KDM1A: variants seen among roughly 807,000 people sequenced by gnomAD.
KDM1A encodes the protein lysine demethylase 1A.
KDM1A carries 49 observed loss-of-function variants against 109.4 expected under a neutral mutation model. That is an observed-to-expected ratio of 0.45 (90% CI 0.36 to 0.57). The LOEUF (loss-of-function observed/expected upper bound fraction) is 0.57, where lower values mean the gene tolerates loss of function less well. Among genes scored for constraint, KDM1A ranks in the 20% least tolerant of loss-of-function variants. The probability of loss-of-function intolerance (pLI) is 0.00; values close to 1 mark genes in which losing one functional copy is unlikely to be tolerated. For missense variants in KDM1A, 668 were observed against 1,116.6 expected (o/e 0.60, Z 5.73); for synonymous variants, 380 against 415.4 (o/e 0.91, Z 1.04).
chr1:23,067,533 T>C, intron 10 of KDM1A, among the ~76,000 whole-genome samples: 1 of 152,242 alleles, frequency 6.6e-6, no homozygotes, highest in East Asian at 1.9e-4. Context: ...AGGTCGCTCC[T>C]CCTGAGTCTT....
chr1:23,083,372 G>T lies in KDM1A; in HGVS notation c.*8G>T. The T allele has an allele frequency of 1.1e-5, 18 of 1,607,722 alleles. No homozygotes were observed. The highest frequency in any genetic ancestry group is 1.4e-5 in the Non-Finnish European group (17 of 1,176,106). On this transcript the variant is annotated 3_prime_UTR_variant, in exon 21 of 21. Transcript: ENST00000400181. ...CAGTCCCCAAGCATGTGAGACAGAT[G>T]CATTCTAAGGGAAGAGGCCCATGTG...
intron 1 of KDM1A, among the ~76,000 whole-genome samples, chr1:23,022,309 C>A (rs1641656624): frequency 1.4e-5 from 2 of 140,614 alleles, no homozygotes; most frequent in East Asian, 4.2e-4. Context: ...TCCAGTTTCT[C>A]CAATGTTCTT....
intron 15 of KDM1A, among the ~76,000 whole-genome samples, chr1:23,076,285 G>A (rs1223143424): frequency 6.6e-6 from 1 of 151,588 alleles, no homozygotes; most frequent in Non-Finnish European, 1.5e-5. Context: ...AAAATTTTCA[G>A]TAAATTCAAA....
At chr1:23,053,449 G>A (rs901610935) in intron 4 of KDM1A, among the ~76,000 whole-genome samples, 1 of 152,076 alleles carries the variant, frequency 6.6e-6, no homozygotes, top group Admixed American at 6.6e-5. Context: ...ACAGTGGTAC[G>A]ATCATGGCTC....
intron 11 of KDM1A, among the ~76,000 whole-genome samples, 176 bp downstream of exon 11, chr1:23,068,857 C>G (rs1643226927): frequency 2.6e-5 from 4 of 152,198 alleles, no homozygotes; most frequent in African/African-American, 9.7e-5. Flanking sequence ...CTTAAGGCCC[C>G]TTTCACTTCT....
chr1:23,032,726 G>C (rs1287964585), intron 2 of KDM1A, among the ~76,000 whole-genome samples: 1 of 152,112 alleles, frequency 6.6e-6, no homozygotes, highest in Non-Finnish European at 1.5e-5. Context: ...ATGTAGTTTA[G>C]CAATAGATTG....
At chr1:23,027,698 A>G (rs1641851177) in intron 1 of KDM1A, among the ~76,000 whole-genome samples, 1 of 148,464 alleles carries the variant, frequency 6.7e-6, no homozygotes, top group South Asian at 2.1e-4. Context: ...CTGAGATTAC[A>G]GGCTTGAGCC....
chr1:23,081,582 G>A lies in KDM1A; in HGVS notation c.2298+9G>A, dbSNP rs1320958727. ...GCAGTGCAGTACCTCAGGTAAGTAG[G>A]TAGGTGGGGCAAGGAGGGATCTAGG... On this transcript the variant is annotated intron_variant, in intron 19 of 20. Transcript: ENST00000400181. The A allele has an allele frequency of 6.2e-7, 1 of 1,614,056 alleles. No homozygotes were observed. The highest frequency in any genetic ancestry group is 8.5e-7 in the Non-Finnish European group (1 of 1,179,938).
chr1:23,074,660 TCTC>T (rs1643411803), intron 15 of KDM1A, among the ~76,000 whole-genome samples: 1 of 152,332 alleles, frequency 6.6e-6, no homozygotes, highest in African/African-American at 2.4e-5. Context: ...TATCCTGTGT[TCTC>T]CTGCAGAAAT....
intron 16 of KDM1A, among the ~76,000 whole-genome samples, chr1:23,077,602 T>C (rs572366686): frequency 6.6e-6 from 1 of 152,326 alleles, no homozygotes; most frequent in Non-Finnish European, 1.5e-5. Flanking sequence ...AGTTGGATAT[T>C]ACTGGTCGAG....
At chr1:23,047,576 A>G (rs551168721) in intron 3 of KDM1A, among the ~76,000 whole-genome samples, 1 of 152,130 alleles carries the variant, frequency 6.6e-6, no homozygotes, top group African/African-American at 2.4e-5. Flanking sequence ...AAATTCCCCA[A>G]ATTAGCCAAC....
chr1:23,081,962 AAG>A (rs1643631445), intron 19 of KDM1A: 1 of 451,120 alleles, frequency 2.2e-6, no homozygotes, highest in African/African-American at 2.0e-5. Flanking sequence ...GAATTTATAA[AAG>A]AGAATAAAGG....
intron 9 of KDM1A, among the ~76,000 whole-genome samples, chr1:23,060,433 C>T (rs1487094724): frequency 6.6e-6 from 1 of 152,090 alleles, no homozygotes; most frequent in African/African-American, 2.4e-5. Flanking sequence ...TATTTTAAAG[C>T]AGATCACAAA....
intron 2 of KDM1A, 118 bp downstream of exon 2, chr1:23,030,752 A>G (rs1641956680): frequency 9.4e-6 from 10 of 1,068,638 alleles, no homozygotes; most frequent in Admixed American, 8.2e-5. Flanking sequence ...AAAGTCTGAT[A>G]TTGAGTCTCC....
chr1:23,020,568 C>G (rs1396385042), intron 1 of KDM1A: 2 of 151,812 alleles, frequency 1.3e-5, no homozygotes, highest in East Asian at 1.9e-4. Context: ...ATTGAGAGAG[C>G]AAATAATAGT....
intron 1 of KDM1A, among the ~76,000 whole-genome samples, chr1:23,022,405 G>C (rs1035262194): frequency 1.3e-5 from 2 of 151,406 alleles, no homozygotes; most frequent in Non-Finnish European, 2.9e-5. Flanking sequence ...GCATGACCTC[G>C]GCTCACTGCA....
chr1:23,047,610 G>C (rs1025873125), intron 3 of KDM1A, among the ~76,000 whole-genome samples: 6 of 152,080 alleles, frequency 3.9e-5, no homozygotes, highest in Admixed American at 3.9e-4. Flanking sequence ...TTTTTGATAA[G>C]AACATCTGAG....
intron 7 of KDM1A, among the ~76,000 whole-genome samples, chr1:23,057,008 T>C (rs1642850760): frequency 6.6e-6 from 1 of 152,052 alleles, no homozygotes; most frequent in Non-Finnish European, 1.5e-5. Context: ...TGGAGAACCA[T>C]TTGTCAGAAA....
Position 23,055,922 on chromosome 1 carries a change from T to C in KDM1A, c.884-10T>C, listed in dbSNP as rs1642816652. The C allele has an allele frequency of 6.3e-7, 1 of 1,577,480 alleles. No individual in the cohort carries two copies. Among genetic ancestry groups the C allele is most frequent in the African/African-American group, 1.4e-5 (1 of 73,462 alleles). On this transcript the variant is annotated splice_polypyrimidine_tract_variant and intron_variant, in intron 6 of 20. Coordinates refer to ENST00000400181, the MANE Select transcript of KDM1A (RefSeq NM_001009999.3). Reference sequence around the variant, plus strand: ...AAAACAAAATCTTTTTTTTCATTTTTTGCTTTTAGCTAAAAAGACAGGAAA... The same window carrying C: ...AAAACAAAATCTTTTTTTTCATTTTCTGCTTTTAGCTAAAAAGACAGGAAA...
Sources: gnomAD v4.1 joint callset for allele counts (sites outside exome capture counted in the v4.1 genomes callset) on GRCh38, gnomAD v4.1.1 for gene constraint, MANE v1.5 for transcripts, NCBI Gene and HGNC (gene_info 2026-07-23, HGNC 2026-07-21) for gene names.